The following ANKRD26 variants were observed in gnomAD, a reference collection of about 807,000 sequenced individuals.
The protein encoded by ANKRD26 is ankyrin repeat domain-containing protein 26.
In ANKRD26, 141 loss-of-function variants were observed where a neutral mutation model predicts 208.7. That is an observed-to-expected ratio of 0.68 (90% CI 0.59 to 0.78). ANKRD26 has a LOEUF of 0.78. Ranked by LOEUF, ANKRD26 falls within the 30% of genes least tolerant of loss-of-function variation. The probability of loss-of-function intolerance (pLI) is 0.00; values close to 1 mark genes in which losing one functional copy is unlikely to be tolerated. For missense variants in ANKRD26, 1,889 were observed against 1,938.7 expected (o/e 0.97, Z 0.48); for synonymous variants, 636 against 660.4 (o/e 0.96, Z 0.57).
chr10:26,959,018 G>A, the ANKRD26 span, among the ~76,000 whole-genome samples: 2 of 152,080 alleles, frequency 1.3e-5, no homozygotes, highest in Admixed American at 6.5e-5. Context: ...GTATCTCTTT[G>A]TGGTTTTGAT....
At chr10:27,015,571 G>A (rs2053261378) in intron 30 of ANKRD26, among the ~76,000 whole-genome samples, 1 of 152,188 alleles carries the variant, frequency 6.6e-6, no homozygotes. Flanking sequence ...TAAATACCAT[G>A]TGAAGAAATC....
At chr10:26,975,930 C>T (rs7913314) in exon 6 of ANKRD26, among the ~76,000 whole-genome samples, 148,150 of 152,110 alleles carry the variant, frequency 0.97, 72,159 homozygotes, top group East Asian at 1. Context: ...GTAGGCATTA[C>T]GTAGGATAAG....
chr10:27,079,267 A>G (rs1206894185), intron 6 of ANKRD26, 106 bp from the exon 7 acceptor site: 1 of 867,396 alleles, frequency 1.2e-6, no homozygotes, highest in Non-Finnish European at 1.9e-6. Context: ...AAAAACAAAA[A>G]CCTGGTGAAA....
the ANKRD26 span, among the ~76,000 whole-genome samples, chr10:26,961,424 G>C: frequency 1.3e-5 from 2 of 152,196 alleles, no homozygotes; most frequent in African/African-American, 4.8e-5. Flanking sequence ...AGCAAAGTGA[G>C]ATATAAGCGT....
chr10:27,051,296 T>C (rs1271302636), intron 16 of ANKRD26: 16 of 1,287,692 alleles, frequency 1.2e-5, no homozygotes, highest in Non-Finnish European at 1.6e-5. Flanking sequence ...TCTGTATTGG[T>C]TTTGTTTTCT....
At chr10:27,053,495 C>G (rs1011492851) in intron 15 of ANKRD26, 105 bp from the exon 16 acceptor site, 1 of 827,148 alleles carries the variant, frequency 1.2e-6, no homozygotes. Flanking sequence ...TTTTATAAAT[C>G]GAGAGGGTTT....
chr10:26,963,449 G>A, the ANKRD26 span, among the ~76,000 whole-genome samples: 2 of 152,128 alleles, frequency 1.3e-5, no homozygotes, highest in Non-Finnish European at 2.9e-5. Context: ...AGTGTCTGGG[G>A]GAGCACCTGA....
chr10:27,021,154 A>G (rs1209912627), intron 29 of ANKRD26, among the ~76,000 whole-genome samples: 1 of 152,116 alleles, frequency 6.6e-6, no homozygotes, highest in Non-Finnish European at 1.5e-5. Flanking sequence ...TTTCACCTTT[A>G]TGTATCTGTA....
chr10:27,056,171 G>T (rs936625664), intron 15 of ANKRD26, among the ~76,000 whole-genome samples: 18 of 152,052 alleles, frequency 1.2e-4, no homozygotes, highest in African/African-American at 4.3e-4. Context: ...CGCTAAAAAT[G>T]ATTCTTTTTC....
At position 27,100,466 on chromosome 10, in the gene ANKRD26, G is replaced by A; in HGVS notation, c.-140C>T. ...CGCGGTTTCCAATCTCTCCCTCCGG[G>A]TTACCAAGCAAGCGATCCCGCTAGA... On this transcript the variant is annotated 5_prime_UTR_variant, in exon 1 of 34. Coordinates refer to ENST00000376087, the MANE Select transcript of ANKRD26 (RefSeq NM_014915.3). 3 of 1,297,768 alleles carry A rather than the reference G, an allele frequency of 2.3e-6. No individual in the cohort carries two copies. The highest frequency in any genetic ancestry group is 2.4e-5 in the East Asian group (1 of 41,000). 80.4% of individuals were successfully genotyped at this position (1,297,768 alleles called of 1,614,324 possible).
chr10:26,984,259 C>T (rs1392351422), intron 3 of ANKRD26, among the ~76,000 whole-genome samples: 4 of 152,144 alleles, frequency 2.6e-5, no homozygotes, highest in Non-Finnish European at 4.4e-5. Flanking sequence ...TGTACATAGG[C>T]ATGGGTGGGC....
chr10:27,082,197 A>G (rs10829172), intron 6 of ANKRD26, among the ~76,000 whole-genome samples: 76,423 of 152,008 alleles, frequency 0.5, 21,823 homozygotes, highest in Non-Finnish European at 0.65. Flanking sequence ...ATATCCTCTA[A>G]CTGGATGCTA....
chr10:27,022,534 G>T, intron 29 of ANKRD26, 24 bp downstream of exon 29: 2 of 1,464,938 alleles, frequency 1.4e-6, no homozygotes, highest in Non-Finnish European at 1.9e-6. Context: ...GACTTTTTTG[G>T]TCCCAAAACT....
chr10:27,097,952 C>T (rs1029977171), intron 1 of ANKRD26, among the ~76,000 whole-genome samples: 5 of 151,934 alleles, frequency 3.3e-5, no homozygotes, highest in Non-Finnish European at 7.4e-5. Context: ...TGCATCCAGC[C>T]TAATTATCAT....
At chr10:27,095,347 A>T (rs889966706) in intron 1 of ANKRD26, among the ~76,000 whole-genome samples, 1 of 152,344 alleles carries the variant, frequency 6.6e-6, no homozygotes, top group South Asian at 2.1e-4. Context: ...TATTTCTTAT[A>T]ATTTTCTACC....
At chr10:26,993,166 G>A (rs964821322) in intron 5 of ANKRD26, among the ~76,000 whole-genome samples, 52 of 152,154 alleles carry the variant, frequency 3.4e-4, no homozygotes, top group Non-Finnish European at 4.4e-4. Flanking sequence ...GTGAAAAAGC[G>A]TTGCTAGTTT....
In ANKRD26 at chr10:27,033,462, C is replaced by T. The variant is rs12763200; in HGVS notation, c.3655-85G>A. On this transcript the variant is annotated intron_variant, in intron 24 of 33. Coordinates refer to ENST00000376087, the MANE Select transcript of ANKRD26 (RefSeq NM_014915.3). ...AATAAATTATGTTAATAATATTTAA[C>T]TATGACATATACAACTTAAAAAATA... is the stretch of plus-strand genomic sequence containing the variant. 0.095 allele frequency: 127,661 copies of T among 1,348,052 alleles called. 7,247 individuals are homozygous for T. Among genetic ancestry groups the T allele is most frequent in the East Asian group, 0.27 (10,410 of 38,336 alleles). 83.5% of individuals were successfully genotyped at this position (1,348,052 alleles called of 1,614,324 possible). A position where few individuals can be genotyped will look rare whatever the true frequency, so the allele number is the denominator to read the frequency against.
intron 10 of ANKRD26, 57 bp from the exon 11 acceptor site, chr10:27,066,605 A>G: frequency 8.6e-7 from 1 of 1,165,036 alleles, no homozygotes; most frequent in South Asian, 1.4e-5. Flanking sequence ...GTAAATTTTA[A>G]ATACATAATT....
At chr10:27,068,037 C>T (rs1218420658) in intron 9 of ANKRD26, among the ~76,000 whole-genome samples, 2 of 152,164 alleles carry the variant, frequency 1.3e-5, no homozygotes, top group Non-Finnish European at 2.9e-5. Flanking sequence ...ACAGTAAGTT[C>T]CACCTGGGAA....
Sources: allele counts gnomAD v4.1 joint callset (sites outside exome capture counted in the v4.1 genomes callset), GRCh38; gene constraint gnomAD v4.1.1; transcripts MANE v1.5; gene names NCBI Gene and HGNC (gene_info 2026-07-23, HGNC 2026-07-21).